The following PCDH9 variants were observed in gnomAD, a reference collection of about 807,000 sequenced individuals.
PCDH9 encodes protocadherin 9.
A neutral mutation model predicts 70.6 loss-of-function variants in PCDH9; 24 were observed. The observed-to-expected ratio is 0.34, with a 90% CI of 0.25 to 0.48. PCDH9 has a LOEUF of 0.48. Among genes scored for constraint, PCDH9 ranks in the 20% least tolerant of loss-of-function variants. The pLI is 0.99. For synonymous variants in PCDH9, 562 were observed against 558.5 expected (o/e 1.01, Z -0.09); for missense variants, 1,281 against 1,503.6 (o/e 0.85, Z 2.45).
intron 4 of PCDH9, among the ~76,000 whole-genome samples, chr13:66,533,018 C>T (rs1050780347): frequency 6.6e-6 from 1 of 152,126 alleles, no homozygotes; most frequent in Non-Finnish European, 1.5e-5. Context: ...GTCTTAGCAA[C>T]ACATCTTTCT....
At position 67,189,960 on chromosome 13, in the gene PCDH9, G is replaced by T. The variant is rs114065916; in HGVS notation, c.3036+35445C>A. ...CAAAATAAAACAAATTCTTGATAGAGTTATTAAAAATAATACAAAATTAGT... is the reference window on the plus strand; with the variant it reads ...CAAAATAAAACAAATTCTTGATAGATTTATTAAAAATAATACAAAATTAGT... On this transcript the variant is annotated intron_variant, in intron 2 of 4. Transcript: ENST00000377865. Among the ~76,000 whole-genome samples, 1,393 of 152,052 alleles carry T rather than the reference G, an allele frequency of 9.2e-3. 21 individuals are homozygous for T. Among genetic ancestry groups the T allele is most frequent in the African/African-American group, 0.032 (1,314 of 41,520 alleles).
At chr13:66,742,582 G>T (rs1304593623) in intron 3 of PCDH9, among the ~76,000 whole-genome samples, 2 of 138,626 alleles carry the variant, frequency 1.4e-5, no homozygotes, top group Non-Finnish European at 3.1e-5. Flanking sequence ...GAAAATTTTC[G>T]CAACCTACTC....
Position 66,593,869 on chromosome 13 carries a change from C to T in PCDH9, c.3340+37341G>A, listed in dbSNP as rs1007768483. On this transcript the variant is annotated intron_variant, in intron 4 of 4. Transcript: ENST00000377865. ...CATGACATCAAATTCTTCTACACAT[C>T]TGTAGAATATGTAGATAGTACTCAT... 2.0e-5 allele frequency among the ~76,000 whole-genome samples: 3 copies of T among 151,664 alleles called. No individual in the cohort carries two copies. In the South Asian group the frequency reaches 6.2e-4, roughly 32 times the overall value.
chr13:66,398,927 A>G (rs1043046602), intron 4 of PCDH9, among the ~76,000 whole-genome samples: 2 of 152,124 alleles, frequency 1.3e-5, no homozygotes, highest in Non-Finnish European at 2.9e-5. Context: ...ACTCAATCCC[A>G]CCTTTCATTA....
intron 4 of PCDH9, among the ~76,000 whole-genome samples, chr13:66,619,303 C>T (rs563164240): frequency 6.6e-6 from 1 of 152,184 alleles, no homozygotes; most frequent in Admixed American, 6.5e-5. Flanking sequence ...GTAGCAAAAA[C>T]ATGTTTTACT....
intron 3 of PCDH9, among the ~76,000 whole-genome samples, chr13:66,707,311 T>G (rs995371816): frequency 4.6e-5 from 7 of 152,192 alleles, no homozygotes; most frequent in Non-Finnish European, 7.3e-5. Context: ...ATCTAAATAT[T>G]TGTGCTGTTG....
At chr13:66,743,885 G>T (rs2079314030) in intron 3 of PCDH9, among the ~76,000 whole-genome samples, 1 of 152,042 alleles carries the variant, frequency 6.6e-6, no homozygotes, top group African/African-American at 2.4e-5. Context: ...ATAACTTAAA[G>T]ATGTATTAGA....
intron 3 of PCDH9, among the ~76,000 whole-genome samples, chr13:66,837,437 C>T (rs752483154): frequency 4.6e-5 from 7 of 152,040 alleles, no homozygotes; most frequent in Admixed American, 2.6e-4. Context: ...TACGGTGGAG[C>T]GGGAGCAGCC....
At chr13:66,740,090 G>A (rs1350847345) in intron 3 of PCDH9, among the ~76,000 whole-genome samples, 1 of 148,694 alleles carries the variant, frequency 6.7e-6, no homozygotes, top group Non-Finnish European at 1.5e-5. Flanking sequence ...ATAGTTGGAA[G>A]TAAAGCTCTC....
chr13:66,985,314 T>C (rs1017085353), intron 2 of PCDH9, among the ~76,000 whole-genome samples: 1 of 152,174 alleles, frequency 6.6e-6, no homozygotes, highest in African/African-American at 2.4e-5. Context: ...TGGGCATGTG[T>C]AGCCTGTAAG....
At chr13:66,779,176 C>T (rs1287878536) in intron 3 of PCDH9, among the ~76,000 whole-genome samples, 1 of 150,328 alleles carries the variant, frequency 6.7e-6, no homozygotes, top group Non-Finnish European at 1.5e-5. Context: ...TTCTGCAGTT[C>T]AGTGGCTTTT....
intron 3 of PCDH9, chr13:66,885,867 T>C (rs1038870735): frequency 4.6e-5 from 7 of 152,194 alleles, no homozygotes; most frequent in African/African-American, 1.7e-4. Flanking sequence ...GAAACTGTTT[T>C]CTTTATCTAA....
chr13:66,364,029 C>G (rs1021942191), intron 4 of PCDH9, among the ~76,000 whole-genome samples: 2 of 152,022 alleles, frequency 1.3e-5, no homozygotes, highest in Non-Finnish European at 2.9e-5. Context: ...TTGGCAGGCA[C>G]CTGTAATCCC....
intron 3 of PCDH9, among the ~76,000 whole-genome samples, chr13:66,882,515 C>G (rs530131276): frequency 1.3e-5 from 2 of 152,168 alleles, no homozygotes; most frequent in South Asian, 4.1e-4. Flanking sequence ...TTCCTGTACT[C>G]TAAATTGATT....
At chr13:66,675,413 T>C (rs1478499293) in intron 3 of PCDH9, among the ~76,000 whole-genome samples, 1 of 152,010 alleles carries the variant, frequency 6.6e-6, no homozygotes, top group Non-Finnish European at 1.5e-5. Context: ...CTTAGTAGAG[T>C]CTGCATAGAA....
intron 3 of PCDH9, among the ~76,000 whole-genome samples, chr13:66,716,456 G>A (rs1378847094): frequency 6.6e-6 from 1 of 152,140 alleles, no homozygotes; most frequent in Non-Finnish European, 1.5e-5. Flanking sequence ...CAGAAAATGG[G>A]GGTTTGGGGA....
At position 67,074,120 on chromosome 13, in the gene PCDH9, A is replaced by ATCTG. The variant is rs1293344413; in HGVS notation, c.3036+151281_3036+151284dup. On this transcript the variant is annotated intron_variant, in intron 2 of 4. Transcript: ENST00000377865. ...CTATTATCTATCTATCTATCTATCT[A>ATCTG]TCTGTCTATCTATCTATCTTACTGC... Among the ~76,000 whole-genome samples, 1,137 of 149,862 alleles carry ATCTG rather than the reference A, an allele frequency of 7.6e-3. 17 individuals carry two copies. The highest frequency in any genetic ancestry group is 0.026 in the African/African-American group (1,056 of 40,718).
chr13:66,988,446 C>G (rs1157440060), intron 2 of PCDH9, among the ~76,000 whole-genome samples: 1 of 151,932 alleles, frequency 6.6e-6, no homozygotes, highest in Admixed American at 6.6e-5. Flanking sequence ...CACAAAATAG[C>G]ATGTTTGTGA....
At chr13:66,897,263 A>G (rs1238058441) in intron 3 of PCDH9, among the ~76,000 whole-genome samples, 1 of 151,786 alleles carries the variant, frequency 6.6e-6, no homozygotes, top group Non-Finnish European at 1.5e-5. Flanking sequence ...AGAAAGGAAG[A>G]GAGGGAGGGA....
Sources: gnomAD v4.1 joint callset for allele counts (sites outside exome capture counted in the v4.1 genomes callset) on GRCh38, gnomAD v4.1.1 for gene constraint, MANE v1.5 for transcripts, NCBI Gene and HGNC (gene_info 2026-07-23, HGNC 2026-07-21) for gene names.